The following CFAP97D2 variants were observed in gnomAD, a reference collection of about 807,000 sequenced individuals.
The protein encoded by CFAP97D2 is CFAP97 domain containing 2.
chr13:114,196,817 G>C (rs12427730), intron 2 of CFAP97D2, among the ~76,000 whole-genome samples: 4 of 152,200 alleles, frequency 2.6e-5, no homozygotes, highest in Admixed American at 2.6e-4. Flanking sequence ...ATACAGCTTG[G>C]TTTTATACAT....
chr13:114,208,785 G>C (rs1379636452), intron 3 of CFAP97D2, among the ~76,000 whole-genome samples: 2 of 152,278 alleles, frequency 1.3e-5, no homozygotes, highest in East Asian at 3.9e-4. Flanking sequence ...ATGTCTCTAG[G>C]ATTTGGCTCT....
rs886957977 is a variant in CFAP97D2, at chr13:114,203,322, G to T, written c.290+2879G>T. 3.9e-5 allele frequency among the ~76,000 whole-genome samples: 6 copies of T among 152,082 alleles called. No homozygotes were observed. The highest frequency in any genetic ancestry group is 1.4e-4 in the African/African-American group (6 of 41,420). ...TAAGAAAACAATTCCATACTCAAAAGTATCAAAAGAATAGGTACTTAGGAA... is the reference window on the plus strand; with the variant it reads ...TAAGAAAACAATTCCATACTCAAAATTATCAAAAGAATAGGTACTTAGGAA... On this transcript the variant is annotated intron_variant, in intron 3 of 4. Coordinates refer to ENST00000646158, the Ensembl canonical transcript of CFAP97D2. This position sits in a 1 kb window ranked among gnomAD's most constrained non-coding sequence, Gnocchi z 4.3.
chr13:114,191,655 A>G (rs1325265834), intron 1 of CFAP97D2, among the ~76,000 whole-genome samples: 1 of 152,222 alleles, frequency 6.6e-6, no homozygotes, highest in African/African-American at 2.4e-5. Context: ...ATTCAAAATC[A>G]TACAGCTGCT....
chr13:114,195,361 C>T (rs574901006), intron 1 of CFAP97D2, among the ~76,000 whole-genome samples: 18 of 152,318 alleles, frequency 1.2e-4, no homozygotes, highest in Admixed American at 9.8e-4. Context: ...CTTTCTCCAC[C>T]TCCTGACATC....
chr13:114,183,083 T>C (rs1212794564), intron 1 of CFAP97D2, among the ~76,000 whole-genome samples: 1 of 152,194 alleles, frequency 6.6e-6, no homozygotes, highest in Non-Finnish European at 1.5e-5. Flanking sequence ...GAGGAAAGAA[T>C]CCCTGAGCTT....
At chr13:114,202,229 T>G (rs58296477) in intron 3 of CFAP97D2, among the ~76,000 whole-genome samples, 4,143 of 152,302 alleles carry the variant, frequency 0.027, 181 homozygotes, top group African/African-American at 0.094. Flanking sequence ...TTTCCAGTTT[T>G]GGGCTATTAC....
At chr13:114,220,218 A>G (rs2081015116) in intron 4 of CFAP97D2, among the ~76,000 whole-genome samples, 1 of 152,168 alleles carries the variant, frequency 6.6e-6, no homozygotes, top group African/African-American at 2.4e-5. Flanking sequence ...TGGTTCGGCC[A>G]GCTGCCAGAC....
chr13:114,221,163 C>T (rs942762160), intron 4 of CFAP97D2, among the ~76,000 whole-genome samples: 1 of 152,228 alleles, frequency 6.6e-6, no homozygotes, highest in Non-Finnish European at 1.5e-5. Context: ...AGGAGGATCG[C>T]TTGAACCAGG....
At chr13:114,200,169 C>T (rs951977909) in intron 2 of CFAP97D2, among the ~76,000 whole-genome samples, 156 bp from the exon 3 acceptor site, 1 of 152,186 alleles carries the variant, frequency 6.6e-6, no homozygotes, top group African/African-American at 2.4e-5. Flanking sequence ...ACAGTGGGTC[C>T]CTGTGTGTTC....
At chr13:114,193,719 C>T (rs906694811) in intron 1 of CFAP97D2, among the ~76,000 whole-genome samples, 5 of 152,102 alleles carry the variant, frequency 3.3e-5, no homozygotes, top group Admixed American at 3.3e-4. Context: ...TATAACAAAA[C>T]ACTATAAGCT....
At chr13:114,215,603 G>A (rs1383683010) in intron 4 of CFAP97D2, 1 of 152,184 alleles carries the variant, frequency 6.6e-6, no homozygotes, top group East Asian at 1.9e-4. Flanking sequence ...GTGCAAGTTA[G>A]AGATCAATGT....
At chr13:114,213,179 T>C (rs993277456) in intron 4 of CFAP97D2, among the ~76,000 whole-genome samples, 2 of 152,190 alleles carry the variant, frequency 1.3e-5, no homozygotes, top group African/African-American at 2.4e-5. Flanking sequence ...CATTATAATG[T>C]GGAAGATTGC....
chr13:114,216,413 T>C (rs1219139402), intron 4 of CFAP97D2, among the ~76,000 whole-genome samples: 1 of 152,138 alleles, frequency 6.6e-6, no homozygotes, highest in African/African-American at 2.4e-5. Context: ...CTACGTTAGG[T>C]ATATCTCCTA....
At chr13:114,217,378 C>T (rs183982454) in intron 4 of CFAP97D2, among the ~76,000 whole-genome samples, 1 of 152,108 alleles carries the variant, frequency 6.6e-6, no homozygotes, top group Non-Finnish European at 1.5e-5. Context: ...GAAATTGAGG[C>T]AATAATAGCC....
intron 4 of CFAP97D2, among the ~76,000 whole-genome samples, chr13:114,216,950 C>A (rs2080996485): frequency 1.3e-5 from 2 of 152,154 alleles, no homozygotes; most frequent in South Asian, 4.1e-4. Flanking sequence ...TCTCCAGCAC[C>A]TGTTGTTTCC....
intron 2 of CFAP97D2, among the ~76,000 whole-genome samples, chr13:114,199,047 A>G (rs1594517164): frequency 2.2e-5 from 1 of 45,830 alleles, no homozygotes; most frequent in Admixed American, 1.9e-4. Flanking sequence ...CCCCGTGGGT[A>G]CGGTCCCCGC....
At chr13:114,191,974 G>C (rs1169615020) in intron 1 of CFAP97D2, among the ~76,000 whole-genome samples, 1 of 140,920 alleles carries the variant, frequency 7.1e-6, no homozygotes, top group Non-Finnish European at 1.5e-5. Context: ...AGGAGCCAAT[G>C]CTAAAAGACT....
At chr13:114,197,551 T>C (rs2080893380) in intron 2 of CFAP97D2, among the ~76,000 whole-genome samples, 1 of 152,150 alleles carries the variant, frequency 6.6e-6, no homozygotes, top group South Asian at 2.1e-4. Context: ...TATTTGTGGT[T>C]TACATGACCC....
chr13:114,212,297 C>T (rs1191596295), intron 4 of CFAP97D2: 1 of 387,908 alleles, frequency 2.6e-6, no homozygotes, highest in Non-Finnish European at 4.5e-6. Context: ...CTGATGACCT[C>T]ACCCACCACG....
Sources: gnomAD v4.1 joint callset for allele counts (sites outside exome capture counted in the v4.1 genomes callset) on GRCh38, gnomAD v4.1.1 for gene constraint, Gnocchi (gnomAD v3.1) non-coding constraint, MANE v1.5 for transcripts, NCBI Gene and HGNC (gene_info 2026-07-23, HGNC 2026-07-21) for gene names.